The following MAPRE2 variants were observed in gnomAD, a reference collection of about 807,000 sequenced individuals.
MAPRE2 encodes the protein microtubule-associated protein RP/EB family member 2.
Under a neutral mutation model 43.2 loss-of-function variants are expected in MAPRE2, and 13 were observed. That is an observed-to-expected ratio of 0.30 (90% confidence interval 0.20 to 0.48). MAPRE2 has a LOEUF of 0.48. Ranked by LOEUF, MAPRE2 falls within the 20% of genes least tolerant of loss-of-function variation. The pLI, the probability that MAPRE2 is intolerant of heterozygous loss-of-function variation, is 0.99. For synonymous variants in MAPRE2, 135 were observed against 148.8 expected (o/e 0.91, Z 0.68); for missense variants, 161 against 400.2 (o/e 0.40, Z 5.10).
chr18:34,985,692 TATGTGATATATAAATATATA>T (rs2097020521), intron 1 of MAPRE2, among the ~76,000 whole-genome samples: 1 of 125,160 alleles, frequency 8.0e-6, no homozygotes, highest in Non-Finnish European at 1.6e-5. Context: ...TATTATATAA[TATGTGATATATAAATATATA>T]TCATATAATA....
At chr18:35,104,872 C>T (rs1212305773) in intron 4 of MAPRE2, among the ~76,000 whole-genome samples, 5 of 152,018 alleles carry the variant, frequency 3.3e-5, no homozygotes, top group Non-Finnish European at 5.9e-5. Context: ...TGATATTTCT[C>T]ATCTTAATGT....
chr18:35,100,639 A>C (rs1303903548), intron 3 of MAPRE2, among the ~76,000 whole-genome samples: 1 of 152,240 alleles, frequency 6.6e-6, no homozygotes, highest in Non-Finnish European at 1.5e-5. Context: ...AGCCATAAAA[A>C]GTATCTATTT....
intron 1 of MAPRE2, among the ~76,000 whole-genome samples, chr18:35,048,952 T>G (rs937759062): frequency 6.6e-6 from 1 of 152,186 alleles, no homozygotes; most frequent in Non-Finnish European, 1.5e-5. Context: ...GGCCAATGTT[T>G]GTTGTTGCGT....
intron 6 of MAPRE2, among the ~76,000 whole-genome samples, chr18:35,138,756 CTG>C (rs1437579102): frequency 2.6e-5 from 4 of 152,116 alleles, no homozygotes; most frequent in Non-Finnish European, 5.9e-5. Flanking sequence ...GGTGAGGAAA[CTG>C]GGGCCCAGAG....
At chr18:35,118,685 T>G (rs1909528408) in intron 4 of MAPRE2, among the ~76,000 whole-genome samples, 1 of 152,146 alleles carries the variant, frequency 6.6e-6, no homozygotes, top group South Asian at 2.1e-4. Context: ...AGCTAGATCA[T>G]GTCACTCTGT....
At chr18:35,024,788 CTT>C (rs1260697391) in intron 2 of MAPRE2, among the ~76,000 whole-genome samples, 1 of 152,208 alleles carries the variant, frequency 6.6e-6, no homozygotes, top group African/African-American at 2.4e-5. Context: ...AGGACATTCT[CTT>C]TTGTCAGATA....
intron 2 of MAPRE2, among the ~76,000 whole-genome samples, chr18:35,095,361 A>AACAC (rs1555917887): frequency 1.0e-5 from 1 of 95,886 alleles, no homozygotes; most frequent in African/African-American, 3.5e-5. Flanking sequence ...TTTTTAAGAA[A>AACAC]ATACACACAC....
chr18:35,116,035 T>A (rs1909394020), intron 4 of MAPRE2, among the ~76,000 whole-genome samples: 1 of 152,202 alleles, frequency 6.6e-6, no homozygotes, highest in Non-Finnish European at 1.5e-5. Context: ...TGACAAGACC[T>A]GTTTTCAAGG....
intron 1 of MAPRE2, among the ~76,000 whole-genome samples, chr18:35,067,135 T>A (rs1906873333): frequency 6.6e-6 from 1 of 152,190 alleles, no homozygotes; most frequent in Non-Finnish European, 1.5e-5. Context: ...GGACTACAGC[T>A]GTGTTGGCTA....
chr18:35,038,114 G>T (rs181817850), upstream of MAPRE2, among the ~76,000 whole-genome samples: 114 of 152,120 alleles, frequency 7.5e-4, no homozygotes, highest in African/African-American at 2.3e-3. Flanking sequence ...TCCTATTTGG[G>T]CTCTGCCTTA....
Position 35,005,688 on chromosome 18 carries a change from G to A in MAPRE2, c.-8+135G>A, listed in dbSNP as rs532459331. The A allele has an allele frequency of 7.9e-4, 383 of 484,178 alleles. 3 individuals carry two copies. The highest frequency in any genetic ancestry group is 1.2e-3 in the Non-Finnish European group (330 of 276,148). The allele number at this position is 484,178 out of a possible 1,614,324, so 30.0% of individuals were successfully genotyped here. A position where few individuals can be genotyped will look rare whatever the true frequency, so the allele number is the denominator to read the frequency against. ...TTAAAGCCGATATTTGAGTAAATAT[G>A]CTCTTTTAAAACACTATTTTTCAAA... On this transcript the variant is annotated intron_variant, in intron 2 of 7. Coordinates refer to the MAPRE2 transcript ENST00000413393.
intron 5 of MAPRE2, among the ~76,000 whole-genome samples, chr18:35,130,765 T>C (rs1274937553): frequency 1.3e-5 from 2 of 151,880 alleles, no homozygotes; most frequent in Non-Finnish European, 2.9e-5. Context: ...AGGAACGGGG[T>C]AATAGTTTGG....
In MAPRE2 at chr18:35,142,555, C is replaced by A. The variant is rs1910702861; in HGVS notation, c.*2186C>A. 6.6e-6 allele frequency: 1 copy of A among 152,302 alleles called. No individual in the cohort carries two copies. The highest frequency in any genetic ancestry group is 2.1e-4 in the South Asian group (1 of 4,826). 9.4% of individuals were successfully genotyped at this position (152,302 alleles called of 1,614,324 possible). A position where few individuals can be genotyped will look rare whatever the true frequency, so the allele number is the denominator to read the frequency against. ...AGTTATAAACATGCTGGCCAGATCT[C>A]TTAGCCTGCAAAGAGAACTTTCCCC... On this transcript the variant is annotated 3_prime_UTR_variant, in exon 7 of 7. Coordinates refer to ENST00000300249, the MANE Select transcript of MAPRE2 (RefSeq NM_014268.4).
intron 1 of MAPRE2, among the ~76,000 whole-genome samples, chr18:34,999,160 C>T (rs1009651415): frequency 3.9e-5 from 6 of 152,148 alleles, no homozygotes; most frequent in African/African-American, 1.4e-4. Context: ...CATTCTCCCA[C>T]ATTTCATTAT....
chr18:34,981,593 T>C (rs1367616349), intron 1 of MAPRE2, among the ~76,000 whole-genome samples: 1 of 152,186 alleles, frequency 6.6e-6, no homozygotes, highest in Non-Finnish European at 1.5e-5. Context: ...CCTTTGGTCT[T>C]ACTAACATAT....
At chr18:35,010,062 C>G (rs2097033718) in intron 2 of MAPRE2, among the ~76,000 whole-genome samples, 1 of 152,112 alleles carries the variant, frequency 6.6e-6, no homozygotes, top group African/African-American at 2.4e-5. Context: ...TCTCACACCA[C>G]AGTAACAATT....
intron 2 of MAPRE2, among the ~76,000 whole-genome samples, chr18:35,079,631 A>C (rs1568995641): frequency 6.6e-6 from 1 of 152,144 alleles, no homozygotes; most frequent in Non-Finnish European, 1.5e-5. Flanking sequence ...TGTGCTAGTG[A>C]AGTAGAAAGA....
chr18:35,117,525 G>T (rs766541622), intron 4 of MAPRE2, among the ~76,000 whole-genome samples: 1 of 150,020 alleles, frequency 6.7e-6, no homozygotes, highest in Non-Finnish European at 1.5e-5. Context: ...TGACTGCTGC[G>T]TACCAGGAGT....
chr18:35,113,647 C>T (rs1909281201), intron 4 of MAPRE2, among the ~76,000 whole-genome samples: 2 of 152,126 alleles, frequency 1.3e-5, no homozygotes, highest in Non-Finnish European at 2.9e-5. Flanking sequence ...AGTCCCAGCT[C>T]TTTGGGAGGC....
Sources: allele counts gnomAD v4.1 joint callset (sites outside exome capture counted in the v4.1 genomes callset), GRCh38; gene constraint gnomAD v4.1.1; transcripts MANE v1.5; gene names NCBI Gene and HGNC (gene_info 2026-07-23, HGNC 2026-07-21).